The following SLC25A16 variants were observed in gnomAD, a reference collection of about 807,000 sequenced individuals.
SLC25A16 encodes the protein solute carrier family 25 member 16.
Under a neutral mutation model 41.5 loss-of-function variants are expected in SLC25A16, and 39 were observed. The ratio of observed to expected loss-of-function variants is 0.94; its 90% CI spans 0.73 to 1.23. SLC25A16 has a LOEUF of 1.23. Among genes scored for constraint, SLC25A16 ranks in the 50% most tolerant of loss-of-function variants. The pLI is 0.00. For missense variants in SLC25A16, 421 were observed against 426.9 expected, an observed-to-expected ratio of 0.99 and a Z score of 0.12; for synonymous variants, 146 against 147.8, an observed-to-expected ratio of 0.99 and a Z score of 0.09.
At chr10:68,526,256 G>A (rs1047003661) in intron 1 of SLC25A16, among the ~76,000 whole-genome samples, 3 of 151,902 alleles carry the variant, frequency 2.0e-5, no homozygotes, top group Non-Finnish European at 4.4e-5. Context: ...CCTTAGGGCT[G>A]GAGGTGGGAC....
At chr10:68,500,876 A>G (rs1338634749) in intron 4 of SLC25A16, among the ~76,000 whole-genome samples, 1 of 151,910 alleles carries the variant, frequency 6.6e-6, no homozygotes, top group Non-Finnish European at 1.5e-5. Context: ...GGTTGCAATG[A>G]GCTGAGATTC....
At chr10:68,487,437 T>A in intron 7 of SLC25A16, among the ~76,000 whole-genome samples, 1 of 152,232 alleles carries the variant, frequency 6.6e-6, no homozygotes, top group Non-Finnish European at 1.5e-5. Flanking sequence ...CCCATCACCG[T>A]AATATCAAGT....
chr10:68,525,431 C>T (rs938222013), intron 1 of SLC25A16, among the ~76,000 whole-genome samples: 1 of 152,096 alleles, frequency 6.6e-6, no homozygotes, highest in African/African-American at 2.4e-5. Flanking sequence ...CCACCCTGCC[C>T]AGCGAATTTT....
chr10:68,506,535 C>G, intron 3 of SLC25A16, 50 bp downstream of exon 3: 1 of 1,332,992 alleles, frequency 7.5e-7, no homozygotes, highest in Non-Finnish European at 1.0e-6. Flanking sequence ...CCTGGTCAAG[C>G]ATGCATGATA....
chr10:68,513,875 A>G (rs965351586), intron 2 of SLC25A16, among the ~76,000 whole-genome samples: 2 of 147,036 alleles, frequency 1.4e-5, no homozygotes, highest in Non-Finnish European at 3.0e-5. Context: ...GGAAGACTCC[A>G]TCTCAGAAAG....
intron 6 of SLC25A16, among the ~76,000 whole-genome samples, chr10:68,491,466 C>G (rs1225998837): frequency 2.6e-5 from 4 of 152,132 alleles, no homozygotes; most frequent in African/African-American, 9.7e-5. Context: ...CTCAGGTGAT[C>G]CACCTGCCTT....
chr10:68,499,023 G>A (rs1453817415), intron 4 of SLC25A16, among the ~76,000 whole-genome samples: 1 of 152,154 alleles, frequency 6.6e-6, no homozygotes, highest in Non-Finnish European at 1.5e-5. Flanking sequence ...TGTGTTCATG[G>A]AGGACTTCAG....
chr10:68,484,019 C>A (rs1176228001), intron 8 of SLC25A16, among the ~76,000 whole-genome samples: 2 of 152,074 alleles, frequency 1.3e-5, no homozygotes, highest in Admixed American at 1.3e-4. Flanking sequence ...TTTAGAAAGA[C>A]AAATGTTTTA....
intron 2 of SLC25A16, among the ~76,000 whole-genome samples, chr10:68,509,889 G>A (rs570162819): frequency 2.0e-5 from 3 of 151,690 alleles, no homozygotes; most frequent in Admixed American, 6.6e-5. Context: ...TCAGGAGTTC[G>A]AGACCAGCCT....
At chr10:68,499,328 C>T (rs1264170858) in intron 4 of SLC25A16, among the ~76,000 whole-genome samples, 1 of 152,232 alleles carries the variant, frequency 6.6e-6, no homozygotes, top group East Asian at 1.9e-4. Flanking sequence ...ACAAGCGGAA[C>T]TCAGCTCATC....
Position 68,494,550 on chromosome 10 carries a change from AAAGGAAGG to A in SLC25A16, c.422-988_422-981del, listed in dbSNP as rs201925012. 5.4e-4 allele frequency among the ~76,000 whole-genome samples: 79 copies of A among 147,098 alleles called. 1 individual carries two copies. Among genetic ancestry groups the A allele is most frequent in the African/African-American group, 1.8e-3 (73 of 39,994 alleles). Reference sequence around the variant, plus strand: ...GAGAGAGAGAGACAGAGAGAGAGAGAAAGGAAGGAAGGAAGGAAGGAAGAGGTTTAATA... The same window carrying A: ...GAGAGAGAGAGACAGAGAGAGAGAGAAAGGAAGGAAGGAAGAGGTTTAATA... On this transcript the variant is annotated intron_variant, in intron 4 of 8. Transcript: ENST00000609923.
intron 2 of SLC25A16, among the ~76,000 whole-genome samples, chr10:68,512,932 G>C (rs1196245985): frequency 6.6e-6 from 1 of 152,108 alleles, no homozygotes; most frequent in East Asian, 1.9e-4. Flanking sequence ...CCAGCCACTA[G>C]GGAGGCTGAG....
chr10:68,499,366 T>G (rs1017217498), intron 4 of SLC25A16, among the ~76,000 whole-genome samples: 8 of 152,196 alleles, frequency 5.3e-5, no homozygotes, highest in Non-Finnish European at 1.0e-4. Flanking sequence ...CTTTCCTTCT[T>G]TTTTTCTCTA....
At position 68,527,476 on chromosome 10, in the gene SLC25A16, G is replaced by A. The variant is rs2053358694; in HGVS notation, c.-101C>T. ...GTGACAGGAGGCTGACCGCCCCGCC[G>A]GCGGGGCAAAGTAACACCCGGCGGC... On this transcript the variant is annotated 5_prime_UTR_variant, in exon 1 of 9. Transcript: ENST00000609923. 7 of 1,235,342 alleles carry A rather than the reference G, an allele frequency of 5.7e-6. No homozygotes were observed. Among genetic ancestry groups the A allele is most frequent in the East Asian group, 6.0e-5 (2 of 33,086 alleles). 76.5% of individuals were successfully genotyped at this position (1,235,342 alleles called of 1,614,324 possible).
At chr10:68,498,771 C>T (rs1439496499) in intron 4 of SLC25A16, among the ~76,000 whole-genome samples, 2 of 152,132 alleles carry the variant, frequency 1.3e-5, no homozygotes, top group South Asian at 4.1e-4. Flanking sequence ...ACAGTGAGCA[C>T]GTGGTTCTAA....
Position 68,516,823 on chromosome 10 carries a change from TGGCAC to T in SLC25A16, c.146_150del (p.Cys49Ter). The T allele has an allele frequency of 6.2e-7, 1 of 1,613,414 alleles. No homozygotes were observed. The highest frequency in any genetic ancestry group is 1.3e-5 in the African/African-American group (1 of 75,034). ...CGATCCAATGGAGCAACTGTTGTTTTGGCACAGCATCCAGCAATACCTAAAAATTT... is the reference window on the plus strand; with the variant it reads ...CGATCCAATGGAGCAACTGTTGTTTTAGCATCCAGCAATACCTAAAAATTT... On this transcript the variant is annotated frameshift_variant, in exon 2 of 9. Transcript: ENST00000609923. LOFTEE classifies it high-confidence loss of function.
intron 6 of SLC25A16, among the ~76,000 whole-genome samples, chr10:68,490,043 T>C (rs1281733651): frequency 6.6e-6 from 1 of 151,800 alleles, no homozygotes; most frequent in African/African-American, 2.4e-5. Context: ...GGAGGATTGC[T>C]CAAGCTCAGG....
intron 4 of SLC25A16, among the ~76,000 whole-genome samples, chr10:68,502,666 G>A (rs1011471629): frequency 2.1e-5 from 3 of 146,214 alleles, no homozygotes; most frequent in Non-Finnish European, 3.0e-5. Context: ...TGGGAAGTGA[G>A]GGCTGCAGTG....
intron 1 of SLC25A16, among the ~76,000 whole-genome samples, chr10:68,518,749 G>A (rs986490289): frequency 6.6e-6 from 1 of 151,422 alleles, no homozygotes; most frequent in Non-Finnish European, 1.5e-5. Flanking sequence ...ACTCCAGCCC[G>A]AGCAACAGAG....
Sources: allele counts gnomAD v4.1 joint callset (sites outside exome capture counted in the v4.1 genomes callset), GRCh38; gene constraint gnomAD v4.1.1; transcripts MANE v1.5; gene names NCBI Gene and HGNC (gene_info 2026-07-23, HGNC 2026-07-21).